Variants in PCBP2 observed in about 807,000 individuals in gnomAD.
The protein encoded by PCBP2 is poly(rC) binding protein 2.
In PCBP2, 4 loss-of-function variants were observed where a neutral mutation model predicts 50.1. The observed-to-expected ratio is 0.08, with a 90% CI of 0.04 to 0.18. PCBP2 has a LOEUF of 0.18. Ranked by LOEUF, PCBP2 falls within the 10% of genes least tolerant of loss-of-function variation. PCBP2 has a pLI of 1.00. For missense variants in PCBP2, 161 were observed against 474.3 expected (o/e 0.34, Z 6.14); for synonymous variants, 179 against 168.0 (o/e 1.07, Z -0.51).
chr12:53,456,060 A>T (rs1356016049), intron 5 of PCBP2, 59 bp downstream of exon 5: 2 of 1,042,900 alleles, frequency 1.9e-6, no homozygotes, highest in African/African-American at 1.6e-5. Context: ...GAGCTTGTTG[A>T]TTTTCTAAGA....
intron 8 of PCBP2, 165 bp from the exon 9 acceptor site, chr12:53,464,595 C>A: frequency 1.1e-6 from 1 of 879,640 alleles, no homozygotes; most frequent in Non-Finnish European, 1.6e-6. Context: ...CACTAGGTAA[C>A]TTTTTTTTTT....
Position 53,463,784 on chromosome 12 carries a change from T to TG in PCBP2, c.580-972dup, listed in dbSNP as rs1341041429. Among the ~76,000 whole-genome samples the TG allele has an allele frequency of 5.3e-5, 8 of 152,238 alleles. No homozygotes were observed. The East Asian group carries it at 1.3e-3, about 26-fold the overall frequency. On this transcript the variant is annotated intron_variant, in intron 8 of 14. Transcript: ENST00000546463. ...GTTGCTCAAAACACCTTTTCCCACT[T>TG]GGGGCTGGTCTGTTACAAGCATATT...
intron 13 of PCBP2, among the ~76,000 whole-genome samples, chr12:53,471,161 G>A (rs1410426125): frequency 6.6e-6 from 1 of 151,932 alleles, no homozygotes; most frequent in East Asian, 1.9e-4. Context: ...TGGGCATGGC[G>A]GTATACACCT....
intron 10 of PCBP2, 54 bp from the exon 11 acceptor site, chr12:53,467,167 G>A: frequency 7.2e-7 from 1 of 1,391,570 alleles, no homozygotes; most frequent in Non-Finnish European, 1.0e-6. Flanking sequence ...GAATGTGCTT[G>A]AGCCCTGGCT....
chr12:53,472,379 C>G (rs548330811), intron 14 of PCBP2, among the ~76,000 whole-genome samples: 1 of 152,188 alleles, frequency 6.6e-6, no homozygotes, highest in South Asian at 2.1e-4. Context: ...TATCTCACTC[C>G]TCCCCCAATC....
intron 13 of PCBP2, among the ~76,000 whole-genome samples, chr12:53,470,786 A>C (rs1265111817): frequency 6.9e-6 from 1 of 144,450 alleles, no homozygotes; most frequent in Non-Finnish European, 1.5e-5. Flanking sequence ...ACCTTTTCCC[A>C]AGGCAAAAAC....
chr12:53,472,720 G>A (rs1349166269), intron 14 of PCBP2, among the ~76,000 whole-genome samples: 1 of 152,096 alleles, frequency 6.6e-6, no homozygotes, highest in Non-Finnish European at 1.5e-5. Context: ...CTAAGTATGT[G>A]GTCTGTATTG....
At chr12:53,460,197 A>T (rs1404551672) in intron 6 of PCBP2, 3 of 219,572 alleles carry the variant, frequency 1.4e-5, no homozygotes, top group Non-Finnish European at 2.9e-5. Flanking sequence ...TGCAGGGCAT[A>T]ATCGTGATCA....
At chr12:53,468,966 G>A (rs1565868590) in intron 13 of PCBP2, 134 bp downstream of exon 13, 15 of 644,368 alleles carry the variant, frequency 2.3e-5, no homozygotes, top group South Asian at 1.2e-4. Flanking sequence ...GCAGTGGTGC[G>A]ATCTTGGCTC....
At chr12:53,464,367 A>G (rs1592658083) in intron 8 of PCBP2, 1 of 118,340 alleles carries the variant, frequency 8.5e-6, no homozygotes, top group East Asian at 2.5e-4. Context: ...AAAAATTTGC[A>G]GCTTCTTCTA....
intron 6 of PCBP2, chr12:53,460,452 TC>T: frequency 3.6e-6 from 1 of 276,048 alleles, no homozygotes. Context: ...GGCCCCTACT[TC>T]CTGTTTAACT....
intron 2 of PCBP2, 93 bp downstream of exon 2, chr12:53,454,962 C>G: frequency 9.6e-7 from 1 of 1,040,988 alleles, no homozygotes; most frequent in East Asian, 2.4e-5. Flanking sequence ...CAGATTAGCA[C>G]TGTGGGGCAT....
At chr12:53,467,932 C>T (rs1941930563) in intron 12 of PCBP2, 89 bp downstream of exon 12, 2 of 1,007,540 alleles carry the variant, frequency 2.0e-6, no homozygotes, top group Non-Finnish European at 3.1e-6. Context: ...ATGAACCATA[C>T]CAGCAACATG....
intron 14 of PCBP2, among the ~76,000 whole-genome samples, chr12:53,472,088 C>T (rs1942283844): frequency 6.6e-6 from 1 of 152,008 alleles, no homozygotes; most frequent in African/African-American, 2.4e-5. Context: ...TAAGAGTCCT[C>T]TGGCTAGAGC....
chr12:53,466,093 GT>G (rs1941800184), intron 10 of PCBP2, 120 bp downstream of exon 10: 2 of 824,286 alleles, frequency 2.4e-6, no homozygotes, highest in East Asian at 4.9e-5. Context: ...GTATTAAGTT[GT>G]TTTCTTCACA....
chr12:53,461,193 C>CA (rs771575751), intron 7 of PCBP2, 50 bp downstream of exon 7: 1 of 1,595,526 alleles, frequency 6.3e-7, no homozygotes, highest in Non-Finnish European at 8.6e-7. Context: ...ATTCTGGGGA[C>CA]AGAGGGACTG....
intron 11 of PCBP2, chr12:53,467,495 GAAAAA>G (rs946937319): frequency 1.6e-6 from 1 of 624,652 alleles, no homozygotes; most frequent in Non-Finnish European, 2.8e-6. Context: ...TATTCTAAAA[GAAAAA>G]AAAAGCCCTG....
chr12:53,473,080 TTTTC>T (rs1215549439), intron 14 of PCBP2, among the ~76,000 whole-genome samples: 28 of 150,162 alleles, frequency 1.9e-4, no homozygotes, highest in Non-Finnish European at 7.4e-5. Flanking sequence ...CAAGAATTGT[TTTTC>T]TTTCTTTTTT....
In PCBP2 at chr12:53,452,275, C is replaced by A. The variant is rs1269924601; in HGVS notation, c.-177C>A. ...TTCCTCCTCCGCCCGCCCGCGGGGC[C>A]CCCCTCGCCTTCCCGCCCGCCCCTA... On this transcript the variant is annotated 5_prime_UTR_variant, in exon 1 of 15. Coordinates refer to ENST00000546463, the MANE Select transcript of PCBP2 (RefSeq NM_031989.5). 7.6e-6 allele frequency: 1 copy of A among 132,154 alleles called. No individual in the cohort carries two copies. Among genetic ancestry groups the A allele is most frequent in the African/African-American group, 2.8e-5 (1 of 35,190 alleles). 8.2% of individuals were successfully genotyped at this position (132,154 alleles called of 1,614,324 possible). A position where few individuals can be genotyped will look rare whatever the true frequency, so the allele number is the denominator to read the frequency against.
Sources: gnomAD v4.1 joint callset for allele counts (sites outside exome capture counted in the v4.1 genomes callset) on GRCh38, gnomAD v4.1.1 for gene constraint, MANE v1.5 for transcripts, NCBI Gene and HGNC (gene_info 2026-07-23, HGNC 2026-07-21) for gene names.